Variants in PAK3 observed in about 807,000 individuals in gnomAD.
PAK3 encodes the protein serine/threonine-protein kinase PAK 3.
Under a neutral mutation model 41.0 loss-of-function variants are expected in PAK3, and 4 were observed. The ratio of observed to expected loss-of-function variants is 0.10; its 90% CI spans 0.05 to 0.22. The LOEUF (loss-of-function observed/expected upper bound fraction) is 0.22. Among genes scored for constraint, PAK3 ranks in the 10% least tolerant of loss-of-function variants. PAK3 has a pLI of 1.00. For synonymous variants in PAK3, 146 were observed against 139.6 expected (o/e 1.05, Z -0.32); for missense variants, 205 against 409.9 (o/e 0.50, Z 4.32).
chrX:111,001,141 G>A (rs1360011663), intron 1 of PAK3, among the ~76,000 whole-genome samples: 2 of 112,140 alleles, frequency 1.8e-5, no homozygotes, highest in Non-Finnish European at 1.9e-5. Flanking sequence ...AGCCCAATGA[G>A]CAAAATCAGT....
intron 1 of PAK3, among the ~76,000 whole-genome samples, chrX:110,990,088 G>T (rs1047482490): frequency 1.8e-5 from 2 of 111,519 alleles, no homozygotes; most frequent in Non-Finnish European, 3.8e-5. Flanking sequence ...TCATAGAGTC[G>T]GTGTGGTCTA....
chrX:111,144,929 G>A (rs1371024093), intron 6 of PAK3: 2 of 1,006,015 alleles, frequency 2.0e-6, no homozygotes, highest in South Asian at 4.1e-5. Context: ...AATGGTATGA[G>A]TGATATAAAT....
intron 1 of PAK3, among the ~76,000 whole-genome samples, chrX:110,997,679 A>C (rs2091764696): frequency 1.8e-5 from 2 of 111,759 alleles, no homozygotes; most frequent in African/African-American, 6.5e-5. Flanking sequence ...TTAGTTTTCA[A>C]CTTGTTAAGT....
exon 1 of PAK3, chrX:110,944,418 A>G (rs981819736): frequency 8.8e-6 from 1 of 112,998 alleles, no homozygotes; most frequent in Non-Finnish European, 1.9e-5. Context: ...AGCAGCTGCC[A>G]CCGAAGCAGC....
chrX:111,136,699 G>T (rs2093794450), intron 5 of PAK3, among the ~76,000 whole-genome samples: 1 of 112,032 alleles, frequency 8.9e-6, no homozygotes, highest in South Asian at 3.7e-4. Context: ...TGAGCTCAGA[G>T]AATGAGATAA....
At chrX:110,994,362 C>A (rs1243646981) in intron 1 of PAK3, among the ~76,000 whole-genome samples, 1 of 111,652 alleles carries the variant, frequency 9.0e-6, no homozygotes, top group Non-Finnish European at 1.9e-5. Flanking sequence ...GTGTTTAAGG[C>A]TTTTTGAGCT....
upstream of PAK3, among the ~76,000 whole-genome samples, chrX:111,093,243 A>G (rs1318639085): frequency 9.0e-6 from 1 of 111,247 alleles, no homozygotes; most frequent in Admixed American, 9.6e-5. Context: ...GTAACTTCAA[A>G]CCCCTGAGTC....
At chrX:111,172,225 T>C (rs1232916350) in intron 10 of PAK3, among the ~76,000 whole-genome samples, 1 of 109,631 alleles carries the variant, frequency 9.1e-6, no homozygotes, top group Non-Finnish European at 1.9e-5. Flanking sequence ...ATCATTGATA[T>C]AACGTTTGGT....
intron 1 of PAK3, among the ~76,000 whole-genome samples, chrX:111,037,354 A>G (rs764867946): frequency 8.9e-6 from 1 of 111,886 alleles, no homozygotes; most frequent in Admixed American, 9.5e-5. Flanking sequence ...CTCCCTACAA[A>G]TAGTTTGAAA....
chrX:110,946,604 T>C (rs910503555), intron 1 of PAK3, among the ~76,000 whole-genome samples: 4 of 112,534 alleles, frequency 3.6e-5, no homozygotes, highest in African/African-American at 1.3e-4. Flanking sequence ...AGTGAATTTC[T>C]TTTAACCAAA....
intron 8 of PAK3, among the ~76,000 whole-genome samples, chrX:111,159,784 TAAG>T (rs2094148241): frequency 8.9e-6 from 1 of 112,187 alleles, no homozygotes; most frequent in Admixed American, 9.5e-5. Flanking sequence ...GGTGCATAAA[TAAG>T]AAAACCAATA....
chrX:110,945,822 C>T (rs2090606479), intron 1 of PAK3, among the ~76,000 whole-genome samples: 1 of 111,603 alleles, frequency 9.0e-6, no homozygotes, highest in African/African-American at 3.3e-5. Flanking sequence ...AACAAAACTG[C>T]TAAACCTTCT....
At chrX:111,031,516 C>T (rs1031052838) in intron 1 of PAK3, among the ~76,000 whole-genome samples, 1 of 112,088 alleles carries the variant, frequency 8.9e-6, no homozygotes, top group Non-Finnish European at 1.9e-5. Flanking sequence ...GATTTCCAGA[C>T]ATTTGGTGAA....
At chrX:111,026,920 C>A (rs2092278019) in intron 1 of PAK3, among the ~76,000 whole-genome samples, 1 of 111,834 alleles carries the variant, frequency 8.9e-6, no homozygotes, top group Non-Finnish European at 1.9e-5. Context: ...ACTACACAGC[C>A]ATAGTCATCA....
intron 11 of PAK3, among the ~76,000 whole-genome samples, chrX:111,189,359 A>G (rs1360712164): frequency 1.8e-5 from 2 of 111,805 alleles, no homozygotes; most frequent in East Asian, 2.8e-4. Flanking sequence ...TGTCTTTGCT[A>G]TCATGAATAG....
chrX:111,173,206 T>C, intron 11 of PAK3, 125 bp downstream of exon 11: 8 of 480,787 alleles, frequency 1.7e-5, no homozygotes, highest in Middle Eastern at 5.3e-4. Flanking sequence ...TATTTATGTC[T>C]TGCATTCTCA....
At chrX:111,149,965 C>G (rs1367441929) in intron 7 of PAK3, among the ~76,000 whole-genome samples, 3 of 112,424 alleles carry the variant, frequency 2.7e-5, no homozygotes, top group Non-Finnish European at 5.6e-5. Context: ...AACTTTTATG[C>G]TCTGTTTCCC....
At chrX:111,176,806 A>T (rs1010395133) in intron 11 of PAK3, among the ~76,000 whole-genome samples, 5 of 111,678 alleles carry the variant, frequency 4.5e-5, no homozygotes, top group African/African-American at 1.6e-4. Context: ...TATAAAATCA[A>T]GATGTATTTA....
intron 4 of PAK3, among the ~76,000 whole-genome samples, chrX:111,109,465 G>A (rs1483874821): frequency 8.9e-6 from 1 of 111,905 alleles, no homozygotes; most frequent in East Asian, 2.8e-4. Flanking sequence ...TCAAGACGAT[G>A]AGTGAAAAAT....
Sources: gnomAD v4.1 joint callset for allele counts (sites outside exome capture counted in the v4.1 genomes callset) on GRCh38, gnomAD v4.1.1 for gene constraint, MANE v1.5 for transcripts, NCBI Gene and HGNC (gene_info 2026-07-23, HGNC 2026-07-21) for gene names.